Variants in RDH10 observed in about 807,000 individuals in gnomAD.
RDH10 encodes retinol dehydrogenase 10 (all-trans).
In RDH10, 12 loss-of-function variants were observed where a neutral mutation model predicts 30.2. The observed-to-expected ratio is 0.40, with a 90% confidence interval of 0.25 to 0.64. The LOEUF is 0.64. RDH10 is among the 30% of genes least tolerant of loss of function. RDH10 has a pLI of 0.43. For synonymous variants in RDH10, 189 were observed against 172.2 expected (o/e 1.10, Z -0.76); for missense variants, 268 against 445.2 (o/e 0.60, Z 3.58).
At chr8:73,314,661 G>A (rs574519778) in intron 2 of RDH10, among the ~76,000 whole-genome samples, 55 of 152,304 alleles carry the variant, frequency 3.6e-4, no homozygotes, top group African/African-American at 1.2e-3. Context: ...GAAACAAGCC[G>A]TCTGGGATCT....
Position 73,295,434 on chromosome 8 carries a change from G to A in RDH10, c.145G>A (p.Gly49Ser). The A allele has an allele frequency of 6.5e-7, 1 of 1,549,472 alleles. No homozygotes were observed. The highest frequency in any genetic ancestry group is 1.2e-5 in the South Asian group (1 of 84,234). The change falls in exon 1 of 6, where the codon GGC becomes AGC. Residue 49 changes from glycine (G) to serine (S), a missense_variant. Physicochemically the swap from Gly to Ser is moderately conservative, Grantham distance 56. Around this residue, in one of 4 missense-constraint regions of RDH10, gnomAD observed 42 missense variants for 77.6 expected, o/e 0.54. Transcript: ENST00000240285. ...CATCACCGGCGCCGGCAGCGGCCTG[G>A]GCCGCCTCTTCGCGCTGGAGTTCGC... ...CLITGAGSGL[G>S]RLFALEFARR...
rs774039054 is a variant in RDH10, at chr8:73,295,325, C to T, written c.36C>T (p.Phe12=). The T allele has an allele frequency of 1.9e-6, 3 of 1,566,074 alleles. No homozygotes were observed. The highest frequency in any genetic ancestry group is 2.7e-5 in the African/African-American group (2 of 73,232). The change falls in exon 1 of 6, where the codon TTC becomes TTT. Residue 12 remains phenylalanine, a synonymous_variant. Coordinates refer to ENST00000240285, the MANE Select transcript of RDH10 (RefSeq NM_172037.5). ...NIVVEFFVVT[F]KVLWAFVLAA... ...TGGTGGAGTTCTTCGTGGTCACTTT[C>T]AAAGTGCTCTGGGCGTTCGTGCTGG...
rs1325150654 is a variant in RDH10, at chr8:73,324,725, T to C, written c.*1689T>C. On this transcript the variant is annotated 3_prime_UTR_variant, in exon 6 of 6. Transcript: ENST00000240285. ...AGGGTGCCTGCACTCAAATAGCCGA[T>C]GTTACTGTCCCTAGATTAGAGACTT... 6.6e-6 allele frequency: 1 copy of C among 152,202 alleles called. No individual in the cohort carries two copies. Among genetic ancestry groups the C allele is most frequent in the Non-Finnish European group, 1.5e-5 (1 of 68,036 alleles). The allele number at this position is 152,202 out of a possible 1,614,324, so 9.4% of individuals were successfully genotyped here. A position where few individuals can be genotyped will look rare whatever the true frequency, so the allele number is the denominator to read the frequency against.
At chr8:73,315,213 TC>T in intron 2 of RDH10, among the ~76,000 whole-genome samples, 1 of 65,734 alleles carries the variant, frequency 1.5e-5, no homozygotes, top group South Asian at 8.4e-4. Context: ...CCTCTCTCTC[TC>T]TCTCCCCCCA....
At position 73,295,204 on chromosome 8, in the gene RDH10, G is replaced by C. The variant is rs1287863320; in HGVS notation, c.-86G>C. 1 of 1,302,172 alleles carries C rather than the reference G, an allele frequency of 7.7e-7. No individual in the cohort carries two copies. The highest frequency in any genetic ancestry group is 1.0e-6 in the Non-Finnish European group (1 of 986,604). The allele number at this position is 1,302,172 out of a possible 1,614,324, so 80.7% of individuals were successfully genotyped here. A position where few individuals can be genotyped will look rare whatever the true frequency, so the allele number is the denominator to read the frequency against. ...CTTCTCGTCCCGGCCTCTGTGACAAGCGCCCCGGAGCCGGGAGCCCGATTG... is the reference window on the plus strand; with the variant it reads ...CTTCTCGTCCCGGCCTCTGTGACAACCGCCCCGGAGCCGGGAGCCCGATTG... On this transcript the variant is annotated 5_prime_UTR_variant, in exon 1 of 6. Transcript: ENST00000240285.
At position 73,303,141 on chromosome 8, in the gene RDH10, A is replaced by G. The variant is rs368152468; in HGVS notation, c.525+5712A>G. On this transcript the variant is annotated intron_variant, in intron 2 of 5. Coordinates refer to ENST00000240285, the MANE Select transcript of RDH10 (RefSeq NM_172037.5). Reference sequence around the variant, plus strand: ...TGAATTAAGCATTTATCTATATCCAAATGTCTAAAGTCTATTTAGTTAAAA... The same window carrying G: ...TGAATTAAGCATTTATCTATATCCAGATGTCTAAAGTCTATTTAGTTAAAA... 3.6e-4 allele frequency among the ~76,000 whole-genome samples: 55 copies of G among 152,316 alleles called. No homozygotes were observed. In the East Asian group the frequency reaches 8.9e-3, roughly 25 times the overall value.
In RDH10 at chr8:73,295,451, G is replaced by C. The variant is rs781002728; in HGVS notation, c.162G>C (p.Leu54=). The change falls in exon 1 of 6, where the codon CTG becomes CTC. Residue 54 remains leucine, a synonymous_variant. Coordinates refer to ENST00000240285, the MANE Select transcript of RDH10 (RefSeq NM_172037.5). ...AGSGLGRLFA[L]EFARRRALLV... The stretch of plus-strand genomic sequence containing the variant: ...GCGGCCTGGGCCGCCTCTTCGCGCT[G>C]GAGTTCGCCCGGCGTCGGGCGCTGC... The C allele has an allele frequency of 6.4e-7, 1 of 1,551,024 alleles. No individual in the cohort carries two copies. Among genetic ancestry groups the C allele is most frequent in the South Asian group, 1.2e-5 (1 of 84,292 alleles).
chr8:73,301,532 C>T (rs1422966751), intron 2 of RDH10, among the ~76,000 whole-genome samples: 4 of 151,696 alleles, frequency 2.6e-5, no homozygotes, highest in South Asian at 2.1e-4. Context: ...CCAAGGCAGG[C>T]GGATCACTTG....
chr8:73,299,313 G>C (rs1814336920), intron 2 of RDH10, among the ~76,000 whole-genome samples: 2 of 152,206 alleles, frequency 1.3e-5, no homozygotes, highest in African/African-American at 4.8e-5. Flanking sequence ...CCCAGGAACA[G>C]GCAGCAGGTG....
At chr8:73,301,165 C>T in intron 2 of RDH10, among the ~76,000 whole-genome samples, 1 of 149,952 alleles carries the variant, frequency 6.7e-6, no homozygotes, top group Non-Finnish European at 1.5e-5. Flanking sequence ...ATTCTCCTGC[C>T]TCAGCCTCCC....
chr8:73,301,302 G>A (rs1197432921), intron 2 of RDH10, among the ~76,000 whole-genome samples: 7 of 149,984 alleles, frequency 4.7e-5, no homozygotes, highest in Non-Finnish European at 5.9e-5. Context: ...CGCCCGCCTC[G>A]GCCTCCCAAA....
chr8:73,295,790 G>C, intron 1 of RDH10: 1 of 1,056,994 alleles, frequency 9.5e-7, no homozygotes, highest in Non-Finnish European at 1.2e-6. Context: ...CTGTCCTCGC[G>C]GAGGTTCGGT....
chr8:73,310,072 G>A lies in RDH10; in HGVS notation c.526-9024G>A, dbSNP rs4738318. Among the ~76,000 whole-genome samples, 559 of 152,274 alleles carry A rather than the reference G, an allele frequency of 3.7e-3. 12 individuals are homozygous for A. The East Asian group carries it at 0.077, about 21-fold the overall frequency. On this transcript the variant is annotated intron_variant, in intron 2 of 5. Transcript: ENST00000240285. ...GATTCTGGTATAATTGGTCTGAGAG[G>A]TGACCTGAACACCAGGAGGAAAAGC...
intron 2 of RDH10, chr8:73,312,960 G>A (rs537836587): frequency 1.3e-5 from 2 of 152,268 alleles, no homozygotes; most frequent in African/African-American, 2.4e-5. Flanking sequence ...CTTCTCCTAC[G>A]GTGAGAAATT....
At chr8:73,315,693 C>A in intron 2 of RDH10, 1 of 416,004 alleles carries the variant, frequency 2.4e-6, no homozygotes, top group Non-Finnish European at 4.9e-6. Context: ...GAGCCAGCCG[C>A]TGGCTGGAGT....
rs1814237992 is a variant in RDH10, at chr8:73,295,198, T to C, written c.-92T>C. 2.4e-6 allele frequency: 3 copies of C among 1,276,028 alleles called. No homozygotes were observed. The highest frequency in any genetic ancestry group is 3.1e-6 in the Non-Finnish European group (3 of 965,612). 79.0% of individuals were successfully genotyped at this position (1,276,028 alleles called of 1,614,324 possible). A position where few individuals can be genotyped will look rare whatever the true frequency, so the allele number is the denominator to read the frequency against. ...CGCAGCCTTCTCGTCCCGGCCTCTG[T>C]GACAAGCGCCCCGGAGCCGGGAGCC... On this transcript the variant is annotated 5_prime_UTR_variant, in exon 1 of 6. Transcript: ENST00000240285.
intron 2 of RDH10, among the ~76,000 whole-genome samples, chr8:73,318,809 A>G (rs1814717822): frequency 6.6e-6 from 1 of 152,228 alleles, no homozygotes; most frequent in South Asian, 2.1e-4. Flanking sequence ...TTGAAAGGTA[A>G]TTAAGAAGCT....
At chr8:73,308,946 C>T (rs150651776) in intron 2 of RDH10, among the ~76,000 whole-genome samples, 57 of 152,306 alleles carry the variant, frequency 3.7e-4, no homozygotes, top group African/African-American at 1.3e-3. Context: ...GCCACAGCAG[C>T]ACCACCTAAC....
chr8:73,307,007 T>C (rs1056065586), intron 2 of RDH10, among the ~76,000 whole-genome samples: 46 of 152,234 alleles, frequency 3.0e-4, no homozygotes, highest in Middle Eastern at 3.4e-3. Flanking sequence ...TTCTTAAGGG[T>C]TTTTTACATG....
Sources: gnomAD v4.1 joint callset for allele counts (sites outside exome capture counted in the v4.1 genomes callset) on GRCh38, gnomAD v4.1.1 for gene constraint, gnomAD v4.1.1 regional missense constraint, MANE v1.5 for transcripts, NCBI Gene and HGNC (gene_info 2026-07-23, HGNC 2026-07-21) for gene names.